Variants in GPR107 observed in about 807,000 individuals in gnomAD.
GPR107 encodes the protein protein GPR107.
Under a neutral mutation model 75.5 loss-of-function variants are expected in GPR107, and 31 were observed. The ratio of observed to expected loss-of-function variants is 0.41; its 90% CI spans 0.31 to 0.55. The LOEUF (loss-of-function observed/expected upper bound fraction) is 0.55, where lower values mean the gene tolerates loss of function less well. Ranked by LOEUF, GPR107 falls within the 20% of genes least tolerant of loss-of-function variation. The pLI is 0.26. For synonymous variants in GPR107, 267 were observed against 251.3 expected (o/e 1.06, Z -0.59); for missense variants, 572 against 665.7 (o/e 0.86, Z 1.55).
intron 17 of GPR107, among the ~76,000 whole-genome samples, 192 bp from the exon 18 acceptor site, chr9:130,134,833 A>T (rs1554899685): frequency 5.3e-5 from 8 of 152,234 alleles, no homozygotes; most frequent in Non-Finnish European, 1.5e-5. Flanking sequence ...AGAATTACTT[A>T]AGCACAGAGA....
chr9:130,065,789 A>T (rs1475168304), intron 1 of GPR107, among the ~76,000 whole-genome samples: 1 of 124,852 alleles, frequency 8.0e-6, no homozygotes, highest in Non-Finnish European at 1.7e-5. Flanking sequence ...AAAAAAAAAA[A>T]GTGATGTTTG....
rs1394145710 is a variant in GPR107, at chr9:130,139,106, CT to C, written c.*3986del. 3.9e-5 allele frequency: 6 copies of C among 152,446 alleles called. No individual in the cohort carries two copies. In the East Asian group the frequency reaches 9.6e-4, roughly 24 times the overall value. 9.4% of individuals were successfully genotyped at this position (152,446 alleles called of 1,614,324 possible). ...CCCGCTGCTTTTCTCTGACCCGCCC[CT>C]GGCCTTGTAAGACTCACGTAAGCTA... On this transcript the variant is annotated 3_prime_UTR_variant, in exon 18 of 18. Transcript: ENST00000347136.
chr9:130,054,052 C>A lies in GPR107; in HGVS notation c.120C>A (p.Arg40=). The stretch of plus-strand genomic sequence containing the variant: ...TGCTGGCCGAGCCTGGCCTGGGCCG[C>A]GTCCATCACCTGGCACTCAAGGTAA... ...LQLLAEPGLG[R]VHHLALKDDV... The change falls in exon 1 of 18, where the codon CGC becomes CGA. Residue 40 remains arginine, a synonymous_variant. Transcript: ENST00000347136. The A allele has an allele frequency of 1.9e-6, 3 of 1,553,966 alleles. No individual in the cohort carries two copies. The highest frequency in any genetic ancestry group is 2.6e-6 in the Non-Finnish European group (3 of 1,148,670).
chr9:130,109,311 C>G (rs986647008), intron 14 of GPR107, among the ~76,000 whole-genome samples: 1 of 152,054 alleles, frequency 6.6e-6, no homozygotes, highest in Non-Finnish European at 1.5e-5. Flanking sequence ...GCTGGGATTA[C>G]AGGTGCCTGC....
At chr9:130,088,615 C>G (rs1300901068) in intron 7 of GPR107, among the ~76,000 whole-genome samples, 1 of 152,176 alleles carries the variant, frequency 6.6e-6, no homozygotes, top group Non-Finnish European at 1.5e-5. Context: ...CTAAGTGCTT[C>G]TATGTCATTA....
chr9:130,126,387 C>T (rs1009130713), intron 15 of GPR107, among the ~76,000 whole-genome samples: 1 of 148,426 alleles, frequency 6.7e-6, no homozygotes, highest in Non-Finnish European at 1.5e-5. Flanking sequence ...CTCTTGTCTC[C>T]CAGGCTGGAG....
At chr9:130,080,534 C>G (rs1830469063) in intron 5 of GPR107, among the ~76,000 whole-genome samples, 1 of 151,828 alleles carries the variant, frequency 6.6e-6, no homozygotes, top group African/African-American at 2.4e-5. Flanking sequence ...CTCTGTCGCC[C>G]AGGCTGGAGT....
chr9:130,054,069 TC>T lies in GPR107; in HGVS notation c.138del (p.Lys47ArgfsTer4). 1 of 1,550,322 alleles carries T rather than the reference TC, an allele frequency of 6.5e-7. No individual in the cohort carries two copies. The highest frequency in any genetic ancestry group is 8.7e-7 in the Non-Finnish European group (1 of 1,146,728). ...PGLGRVHHLA[L>X]KDDVRHKVHL... Reference sequence around the variant, plus strand: ...CTGGGCCGCGTCCATCACCTGGCACTCAAGGTAAAGCTTGGCAAGGCCGGGC... The same window carrying T: ...CTGGGCCGCGTCCATCACCTGGCACTAAGGTAAAGCTTGGCAAGGCCGGGC... On this transcript the variant is annotated frameshift_variant, in exon 1 of 18. Coordinates refer to ENST00000347136, the MANE Select transcript of GPR107 (RefSeq NM_020960.5). LOFTEE classifies it high-confidence loss of function.
Position 130,104,498 on chromosome 9 carries a change from C to G in GPR107, c.1210C>G (p.Leu404Val), listed in dbSNP as rs1370308584. ...TGAATATGGCTTGTGGAAGGACTCT[C>G]TATTTCTGGTCGACCTGTTGTGTTG... ...TTEYGLWKDS[L>V]FLVDLLCCGA... Residue 404 changes from leucine to valine, a missense_variant, in exon 13 of 18, where the codon CTA (leucine) becomes GTA (valine). Physicochemically the swap from Leu to Val is conservative, Grantham distance 32. Coordinates refer to ENST00000347136, the MANE Select transcript of GPR107 (RefSeq NM_020960.5). 1 of 1,613,584 alleles carries G rather than the reference C, an allele frequency of 6.2e-7. No individual in the cohort carries two copies. Among genetic ancestry groups the G allele is most frequent in the Non-Finnish European group, 8.5e-7 (1 of 1,179,440 alleles).
At position 130,056,664 on chromosome 9, in the gene GPR107, G is replaced by A. The variant is rs912520738; in HGVS notation, c.141+2591G>A. Among the ~76,000 whole-genome samples the A allele has an allele frequency of 4.1e-4, 63 of 151,916 alleles. 1 individual carries two copies. Among genetic ancestry groups the A allele is most frequent in the Middle Eastern group, 3.4e-3 (1 of 294 alleles). On this transcript the variant is annotated intron_variant, in intron 1 of 17. Coordinates refer to ENST00000347136, the MANE Select transcript of GPR107 (RefSeq NM_020960.5). ...AATTTGGCTGGGCGCAGTGGCTCAC[G>A]CCTGTAATCCCAGCACTTTGGGAGG...
intron 14 of GPR107, among the ~76,000 whole-genome samples, chr9:130,118,953 C>T (rs1169118464): frequency 6.6e-6 from 1 of 152,196 alleles, no homozygotes; most frequent in Non-Finnish European, 1.5e-5. Context: ...TCTCTCTCCC[C>T]ACACTCATTC....
Position 130,075,719 on chromosome 9 carries a change from A to C in GPR107, c.225A>C (p.Ser75=). 6.3e-7 allele frequency: 1 copy of C among 1,594,570 alleles called. No individual in the cohort carries two copies. The highest frequency in any genetic ancestry group is 1.1e-5 in the South Asian group (1 of 90,686). ...GYMVVNVSSL[S]LNEPEDKDVT... ...TGGTGGTGAATGTCAGTAGCCTCTC[A>C]CTGAATGAGCCTGAAGACAAGGATG... The change falls in exon 2 of 18, where the codon TCA becomes TCC. Residue 75 remains serine, a synonymous_variant. Transcript: ENST00000347136.
chr9:130,086,179 G>A (rs1641248678), intron 6 of GPR107, among the ~76,000 whole-genome samples: 1 of 152,150 alleles, frequency 6.6e-6, no homozygotes, highest in Admixed American at 6.5e-5. Flanking sequence ...ATTCAAGGCA[G>A]GGGGTGGAGG....
chr9:130,128,593 A>AG (rs1831742278), intron 16 of GPR107, 47 bp from the exon 17 acceptor site: 1 of 1,534,834 alleles, frequency 6.5e-7, no homozygotes, highest in Non-Finnish European at 9.0e-7. Flanking sequence ...TTTCTGAAGA[A>AG]CAGTGTTGCT....
chr9:130,063,257 C>G (rs1049997402), intron 1 of GPR107, among the ~76,000 whole-genome samples: 1 of 151,804 alleles, frequency 6.6e-6, no homozygotes. Context: ...ATGGCATGAT[C>G]TCAGCTCACT....
chr9:130,067,911 A>G (rs1413696884), intron 1 of GPR107, among the ~76,000 whole-genome samples: 2 of 151,616 alleles, frequency 1.3e-5, no homozygotes, highest in African/African-American at 4.8e-5. Flanking sequence ...CGCCTGGCTA[A>G]TTTTTGTATT....
intron 2 of GPR107, 101 bp from the exon 3 acceptor site, chr9:130,076,309 CAG>C: frequency 3.0e-6 from 2 of 672,086 alleles, no homozygotes; most frequent in South Asian, 3.8e-5. Context: ...GCTAAGAAAA[CAG>C]AGGAGACCAC....
chr9:130,092,479 T>A (rs1410039798), intron 9 of GPR107, 98 bp downstream of exon 9: 2 of 966,434 alleles, frequency 2.1e-6, no homozygotes, highest in Non-Finnish European at 3.3e-6. Context: ...CACTTAGCAG[T>A]GTTGTTCCTT....
chr9:130,104,371 T>C, intron 12 of GPR107, 49 bp from the exon 13 acceptor site: 1 of 1,593,756 alleles, frequency 6.3e-7, no homozygotes, highest in Admixed American at 1.7e-5. Flanking sequence ...GCTAGCATCA[T>C]AACAGTCCAC....
Sources: gnomAD v4.1 joint callset for allele counts (sites outside exome capture counted in the v4.1 genomes callset) on GRCh38, gnomAD v4.1.1 for gene constraint, MANE v1.5 for transcripts, NCBI Gene and HGNC (gene_info 2026-07-23, HGNC 2026-07-21) for gene names.